KL: variants seen among roughly 807,000 people sequenced by gnomAD.
KL encodes alpha-klotho.
Under a neutral mutation model 84.2 loss-of-function variants are expected in KL, and 62 were observed. That is an observed-to-expected ratio of 0.74 (90% CI 0.60 to 0.91). The LOEUF (loss-of-function observed/expected upper bound fraction) is 0.91. KL is among the 40% of genes least tolerant of loss of function. The pLI, the probability that KL is intolerant of heterozygous loss-of-function variation, is 0.00. For synonymous variants in KL, 528 were observed against 528.0 expected, an observed-to-expected ratio of 1.00 and a Z score of 0.00; for missense variants, 1,261 against 1,305.7, an observed-to-expected ratio of 0.97 and a Z score of 0.53.
intron 1 of KL, among the ~76,000 whole-genome samples, chr13:33,018,418 T>C (rs1870450797): frequency 6.6e-6 from 1 of 152,236 alleles, no homozygotes; most frequent in East Asian, 1.9e-4. Context: ...TTGAGGTGAC[T>C]TAGTGCTCTG....
chr13:33,031,781 C>T (rs573130394), intron 1 of KL, among the ~76,000 whole-genome samples: 8 of 152,118 alleles, frequency 5.3e-5, no homozygotes, highest in African/African-American at 1.4e-4. Context: ...GGGTTAGAGA[C>T]GGGATTGGGG....
chr13:33,048,043 A>G (rs2772365), intron 1 of KL, among the ~76,000 whole-genome samples: 101,102 of 151,922 alleles, frequency 0.67, 34,123 homozygotes, highest in Admixed American at 0.76. Context: ...TGAAATCCTT[A>G]AAAATATTTA....
At chr13:33,054,411 T>G (rs1593807535) in intron 2 of KL, 134 bp downstream of exon 2, 1 of 917,868 alleles carries the variant, frequency 1.1e-6, no homozygotes, top group East Asian at 2.5e-5. Context: ...AATAGTAGAA[T>G]GCATTCATTT....
intron 1 of KL, among the ~76,000 whole-genome samples, chr13:33,043,439 C>T (rs914531311): frequency 3.3e-5 from 5 of 152,228 alleles, no homozygotes; most frequent in South Asian, 4.1e-4. Flanking sequence ...AAGTTGGTCT[C>T]GAACTCCTGG....
Position 33,061,229 on chromosome 13 carries a change from A to T in KL, c.2150A>T (p.Lys717Met). 1 of 1,614,244 alleles carries T rather than the reference A, an allele frequency of 6.2e-7. No homozygotes were observed. Among genetic ancestry groups the T allele is most frequent in the Middle Eastern group, 1.6e-4 (1 of 6,062 alleles). ...CTGGCTTGGCATGTGTACAATGAAA[A>T]GTTTAGGCATGCTCAGAATGGGAAA... Reference protein sequence around the residue: ...HALAWHVYNEKFRHAQNGKIS... With the variant: ...HALAWHVYNEMFRHAQNGKIS... The change falls in exon 4 of 5, where the codon AAG becomes ATG. Residue 717 changes from lysine to methionine, a missense_variant. By Grantham distance (95) the Lys-to-Met change is moderately conservative (BLOSUM62 -1). Transcript: ENST00000380099.
At chr13:33,043,998 G>T (rs530583248) in intron 1 of KL, among the ~76,000 whole-genome samples, 1 of 152,168 alleles carries the variant, frequency 6.6e-6, no homozygotes, top group South Asian at 2.1e-4. Context: ...TTTAGCTTTG[G>T]ATCTATGATC....
chr13:33,058,547 A>AG (rs1389500675), intron 3 of KL, among the ~76,000 whole-genome samples: 4 of 151,930 alleles, frequency 2.6e-5, no homozygotes, highest in African/African-American at 9.7e-5. Context: ...TCACTGTGTT[A>AG]GCCAGGATGG....
chr13:33,049,065 C>T (rs1255043969), intron 1 of KL, among the ~76,000 whole-genome samples: 3 of 151,966 alleles, frequency 2.0e-5, no homozygotes, highest in African/African-American at 7.3e-5. Context: ...GCATCACATA[C>T]GAGAGAGACT....
chr13:33,060,622 T>C, intron 3 of KL, 57 bp from the exon 4 acceptor site: 1 of 1,601,254 alleles, frequency 6.2e-7, no homozygotes, highest in Admixed American at 1.7e-5. Flanking sequence ...ATAATTGCTT[T>C]GAATTACTTC....
chr13:33,024,174 G>A (rs1358809721), intron 1 of KL, among the ~76,000 whole-genome samples: 2 of 152,194 alleles, frequency 1.3e-5, no homozygotes, highest in African/African-American at 4.8e-5. Flanking sequence ...AGTACGTTTT[G>A]TTCTTCCTAG....
chr13:33,020,426 G>C (rs1477695329), intron 1 of KL, among the ~76,000 whole-genome samples: 1 of 152,064 alleles, frequency 6.6e-6, no homozygotes, highest in Admixed American at 6.6e-5. Flanking sequence ...CCATTGCTTT[G>C]AATACTGCTG....
chr13:33,030,138 T>C (rs907418769), intron 1 of KL, among the ~76,000 whole-genome samples: 28 of 152,258 alleles, frequency 1.8e-4, no homozygotes, highest in African/African-American at 6.7e-4. Flanking sequence ...ACTTCTATGA[T>C]AACAGCATTA....
chr13:33,033,918 C>T (rs957358623), intron 1 of KL, among the ~76,000 whole-genome samples: 3 of 151,902 alleles, frequency 2.0e-5, no homozygotes, highest in Non-Finnish European at 1.5e-5. Context: ...AAACACAAAC[C>T]CTCTAGTATA....
chr13:33,045,583 C>T lies in KL; in HGVS notation c.820-8184C>T, dbSNP rs184893438. 3.4e-3 allele frequency among the ~76,000 whole-genome samples: 513 copies of T among 152,130 alleles called. 3 individuals are homozygous for T. Among genetic ancestry groups the T allele is most frequent in the African/African-American group, 0.012 (484 of 41,490 alleles). On this transcript the variant is annotated intron_variant, in intron 1 of 4. Transcript: ENST00000380099. ...ACAACCTCTGCCTCCTGGGTTCAAG[C>T]GATTCTCCTGCCTCAGCCTCCAGAG...
chr13:33,045,488 G>GT (rs1471556840), intron 1 of KL, among the ~76,000 whole-genome samples: 2 of 151,946 alleles, frequency 1.3e-5, no homozygotes, highest in Non-Finnish European at 2.9e-5. Flanking sequence ...TTGTTTGTTT[G>GT]TTTTTTTGTT....
chr13:33,019,128 CTGTT>C (rs1294014531), intron 1 of KL, among the ~76,000 whole-genome samples: 1 of 152,062 alleles, frequency 6.6e-6, no homozygotes, highest in Admixed American at 6.5e-5. Flanking sequence ...TGCAAACAAA[CTGTT>C]AGTTGGTGTA....
chr13:33,052,420 A>G (rs1333508169), intron 1 of KL, among the ~76,000 whole-genome samples: 4 of 152,216 alleles, frequency 2.6e-5, no homozygotes, highest in African/African-American at 4.8e-5. Flanking sequence ...CCACATAAGC[A>G]AGTGCCACTA....
chr13:33,046,179 T>C (rs1232353266), intron 1 of KL, among the ~76,000 whole-genome samples: 1 of 152,242 alleles, frequency 6.6e-6, no homozygotes, highest in Non-Finnish European at 1.5e-5. Flanking sequence ...TAGAAAGTGT[T>C]CTTTCTTCTA....
chr13:33,028,777 C>T (rs1387640470), intron 1 of KL, among the ~76,000 whole-genome samples: 1 of 152,236 alleles, frequency 6.6e-6, no homozygotes, highest in Admixed American at 6.5e-5. Flanking sequence ...TTACTTACTA[C>T]ATTACAAGGT....
Sources: gnomAD v4.1 joint callset for allele counts (sites outside exome capture counted in the v4.1 genomes callset) on GRCh38, gnomAD v4.1.1 for gene constraint, MANE v1.5 for transcripts, NCBI Gene and HGNC (gene_info 2026-07-23, HGNC 2026-07-21) for gene names.